Variants in BMP2K observed in about 807,000 individuals in gnomAD.
The protein encoded by BMP2K is BMP-2-inducible protein kinase.
A neutral mutation model predicts 116.0 loss-of-function variants in BMP2K; 74 were observed. The observed-to-expected ratio is 0.64, with a 90% CI of 0.53 to 0.77. The LOEUF is 0.77. Ranked by LOEUF, BMP2K falls within the 30% of genes least tolerant of loss-of-function variation. The pLI, the probability that BMP2K is intolerant of heterozygous loss-of-function variation, is 0.00. For synonymous variants in BMP2K, 486 were observed against 502.5 expected (o/e 0.97, Z 0.44); for missense variants, 1,365 against 1,403.6 (o/e 0.97, Z 0.44).
rs72862521 is a variant in BMP2K at position 78,873,276 on chromosome 4, C to T, written c.1793+478C>T. Among the ~76,000 whole-genome samples, 1,501 of 152,082 alleles carry T rather than the reference C, an allele frequency of 9.9e-3. 26 individuals are homozygous for T. Among genetic ancestry groups the T allele is most frequent in the African/African-American group, 0.032 (1,342 of 41,482 alleles). On this transcript the variant is annotated intron_variant, in intron 13 of 15. Coordinates refer to ENST00000502613, the MANE Select transcript of BMP2K (RefSeq NM_198892.2). ...TGATATATAGTATACATACTGTTAC[C>T]GTAACATAGTTGGTAATAGTATATT...
chr4:78,817,888 G>A (rs189972451), intron 1 of BMP2K, among the ~76,000 whole-genome samples: 63 of 152,272 alleles, frequency 4.1e-4, no homozygotes, highest in Admixed American at 6.5e-4. Flanking sequence ...GGAATTCTAA[G>A]TGGTTCTGAA....
At chr4:78,862,461 T>C (rs776313464) in intron 9 of BMP2K, among the ~76,000 whole-genome samples, 9 of 152,036 alleles carry the variant, frequency 5.9e-5, no homozygotes, top group Admixed American at 2.0e-4. Context: ...AGTGAAATTA[T>C]AGCAGGCAGG....
intron 1 of BMP2K, among the ~76,000 whole-genome samples, chr4:78,816,592 T>C (rs1335472026): frequency 6.6e-6 from 1 of 152,192 alleles, no homozygotes; most frequent in Non-Finnish European, 1.5e-5. Context: ...TCTTCCAAGA[T>C]GGATTTTCAG....
intron 1 of BMP2K, among the ~76,000 whole-genome samples, chr4:78,810,043 C>T (rs766300049): frequency 2.0e-5 from 3 of 152,182 alleles, no homozygotes; most frequent in Non-Finnish European, 4.4e-5. Context: ...TACTGACTTT[C>T]CTGTACTAAT....
intron 15 of BMP2K, among the ~76,000 whole-genome samples, chr4:78,901,104 G>A (rs1187020831): frequency 2.0e-5 from 3 of 152,092 alleles, no homozygotes; most frequent in South Asian, 2.1e-4. Context: ...GTGCAGTGGC[G>A]TGATCATAGG....
At chr4:78,802,699 T>C (rs1728623985) in intron 1 of BMP2K, among the ~76,000 whole-genome samples, 2 of 152,236 alleles carry the variant, frequency 1.3e-5, no homozygotes, top group Admixed American at 6.5e-5. Context: ...CCTTCCCCAA[T>C]GATCTCTGAT....
intron 10 of BMP2K, 73 bp downstream of exon 10, chr4:78,865,793 C>A: frequency 1.4e-6 from 2 of 1,448,706 alleles, no homozygotes; most frequent in South Asian, 1.2e-5. Context: ...GATTTCCTGA[C>A]CTCAGGTGAT....
chr4:78,835,545 C>A (rs1280064804), intron 3 of BMP2K, among the ~76,000 whole-genome samples: 2 of 149,180 alleles, frequency 1.3e-5, no homozygotes, highest in African/African-American at 4.9e-5. Flanking sequence ...AGGAGAATGG[C>A]ATGAACCCGG....
intron 1 of BMP2K, among the ~76,000 whole-genome samples, chr4:78,797,173 T>A (rs1408933923): frequency 6.6e-6 from 1 of 152,170 alleles, no homozygotes; most frequent in Admixed American, 6.5e-5. Context: ...TCACCTGGGA[T>A]TTTTTAAACT....
intron 2 of BMP2K, among the ~76,000 whole-genome samples, chr4:78,829,727 A>G (rs1252991491): frequency 5.9e-5 from 9 of 151,496 alleles, no homozygotes; most frequent in Admixed American, 6.6e-5. Flanking sequence ...TGAAGAATGG[A>G]TGTTGTGTTA....
At chr4:78,839,195 T>A (rs1730635351) in intron 3 of BMP2K, among the ~76,000 whole-genome samples, 1 of 152,210 alleles carries the variant, frequency 6.6e-6, no homozygotes, top group Non-Finnish European at 1.5e-5. Flanking sequence ...TTGGCAGGGC[T>A]TTCTCACATG....
At chr4:78,889,253 A>G (rs1015678172) in intron 15 of BMP2K, among the ~76,000 whole-genome samples, 1 of 151,088 alleles carries the variant, frequency 6.6e-6, no homozygotes, top group Non-Finnish European at 1.5e-5. Flanking sequence ...GCCCATTAAT[A>G]TAAATGCTAC....
chr4:78,860,246 G>C (rs765508667), intron 8 of BMP2K, among the ~76,000 whole-genome samples: 11 of 151,800 alleles, frequency 7.2e-5, no homozygotes, highest in Admixed American at 3.9e-4. Flanking sequence ...TACACTATTT[G>C]GGTGATGGTC....
intron 2 of BMP2K, among the ~76,000 whole-genome samples, 157 bp from the exon 3 acceptor site, chr4:78,833,425 A>G (rs1730305722): frequency 6.6e-6 from 1 of 152,158 alleles, no homozygotes. Flanking sequence ...TATTGAAACC[A>G]TAGAAGCCTT....
At chr4:78,814,014 T>C (rs1411696160) in intron 1 of BMP2K, among the ~76,000 whole-genome samples, 1 of 152,230 alleles carries the variant, frequency 6.6e-6, no homozygotes, top group African/African-American at 2.4e-5. Context: ...GTGTAGTTTC[T>C]TTGACTTGAA....
At chr4:78,860,511 G>C (rs574275426) in intron 8 of BMP2K, among the ~76,000 whole-genome samples, 2 of 151,834 alleles carry the variant, frequency 1.3e-5, no homozygotes, top group Non-Finnish European at 2.9e-5. Context: ...GTCCATGGAA[G>C]GTGCTCAGTT....
chr4:78,857,936 T>C (rs577171580), intron 7 of BMP2K, among the ~76,000 whole-genome samples: 2 of 152,120 alleles, frequency 1.3e-5, no homozygotes, highest in African/African-American at 4.8e-5. Context: ...AAATCATATG[T>C]AGTTTGTAAC....
chr4:78,832,498 G>C (rs534885900), intron 2 of BMP2K, among the ~76,000 whole-genome samples: 6 of 152,210 alleles, frequency 3.9e-5, no homozygotes, highest in Non-Finnish European at 5.9e-5. Context: ...AGCTAGATTA[G>C]AGATGATTAG....
intron 1 of BMP2K, among the ~76,000 whole-genome samples, chr4:78,780,467 C>T (rs3775523): frequency 5.2e-4 from 79 of 152,212 alleles, no homozygotes; most frequent in African/African-American, 1.8e-3. Flanking sequence ...AGCCAGTTCT[C>T]GTTGTTAATT....
Sources: gnomAD v4.1 joint callset for allele counts (sites outside exome capture counted in the v4.1 genomes callset) on GRCh38, gnomAD v4.1.1 for gene constraint, MANE v1.5 for transcripts, NCBI Gene and HGNC (gene_info 2026-07-23, HGNC 2026-07-21) for gene names.